DNAH6: variants seen among roughly 807,000 people sequenced by gnomAD.
The protein encoded by DNAH6 is dynein axonemal heavy chain 6.
DNAH6 carries 340 observed loss-of-function variants against 491.4 expected under a neutral mutation model. The observed-to-expected ratio is 0.69, with a 90% CI of 0.63 to 0.76. The LOEUF (loss-of-function observed/expected upper bound fraction) is 0.76, where lower values mean the gene tolerates loss of function less well. Among genes scored for constraint, DNAH6 ranks in the 30% least tolerant of loss-of-function variants. The probability of loss-of-function intolerance (pLI) is 0.00; values close to 1 mark genes in which losing one functional copy is unlikely to be tolerated. For missense variants in DNAH6, 4,443 were observed against 4,972.2 expected (o/e 0.89, Z 3.20); for synonymous variants, 1,603 against 1,686.1 (o/e 0.95, Z 1.21).
At chr2:84,549,842 A>G in intron 8 of DNAH6, 47 bp from the exon 9 acceptor site, 1 of 1,380,946 alleles carries the variant, frequency 7.2e-7, no homozygotes, top group South Asian at 1.4e-5. Flanking sequence ...AAAAATATGT[A>G]GTGAATATAA....
chr2:84,598,127 T>TTTTCTTTTTC (rs1553438007), intron 18 of DNAH6, among the ~76,000 whole-genome samples: 2 of 109,314 alleles, frequency 1.8e-5, no homozygotes, highest in East Asian at 2.5e-4. Context: ...TCTATCTTTC[T>TTTTCTTTTTC]TTTCTTTCTT....
Position 84,525,752 on chromosome 2 carries a change from ATACT to A in DNAH6, c.399+17_399+20del. 1.3e-6 allele frequency: 2 copies of A among 1,514,656 alleles called. No homozygotes were observed. Among genetic ancestry groups the A allele is most frequent in the African/African-American group, 1.4e-5 (1 of 71,126 alleles). 93.8% of individuals were successfully genotyped at this position (1,514,656 alleles called of 1,614,324 possible). On this transcript the variant is annotated intron_variant, in intron 3 of 76. Transcript: ENST00000389394. ...AAAAAAATGCAGGTATAATATTAAA[ATACT>A]TAATTGATTCTTTTAACTTAATTTT...
At chr2:84,739,446 A>G (rs1363187693) in intron 62 of DNAH6, among the ~76,000 whole-genome samples, 1 of 152,160 alleles carries the variant, frequency 6.6e-6, no homozygotes, top group Non-Finnish European at 1.5e-5. Context: ...TATGTTTTCC[A>G]AGTTGCTTAT....
intron 2 of DNAH6, among the ~76,000 whole-genome samples, chr2:84,524,019 A>C (rs1288815276): frequency 3.3e-5 from 5 of 151,702 alleles, no homozygotes; most frequent in African/African-American, 7.3e-5. Flanking sequence ...TTCTGACTTG[A>C]TGATCTGTCT....
At chr2:84,802,181 C>G (rs1156807724) in intron 70 of DNAH6, among the ~76,000 whole-genome samples, 1 of 152,134 alleles carries the variant, frequency 6.6e-6, no homozygotes, top group Non-Finnish European at 1.5e-5. Context: ...GCCAACAACA[C>G]CACAACAAAA....
At chr2:84,483,453 C>T in the DNAH6 span, among the ~76,000 whole-genome samples, 2 of 152,112 alleles carry the variant, frequency 1.3e-5, no homozygotes, top group East Asian at 3.9e-4. Flanking sequence ...GACAGTGTTT[C>T]AAACTACCTA....
intron 58 of DNAH6, among the ~76,000 whole-genome samples, chr2:84,717,329 T>C (rs1697635004): frequency 6.6e-6 from 1 of 152,256 alleles, no homozygotes; most frequent in African/African-American, 2.4e-5. Flanking sequence ...TTTGAGGTTA[T>C]GATTTTTAGT....
chr2:84,813,927 A>T, intron 74 of DNAH6, 44 bp from the exon 75 acceptor site: 2 of 1,545,502 alleles, frequency 1.3e-6, no homozygotes, highest in South Asian at 1.2e-5. Context: ...CCTGGGGAGT[A>T]GCAGTGTTGT....
intron 22 of DNAH6, among the ~76,000 whole-genome samples, chr2:84,612,662 G>C (rs1407260875): frequency 6.6e-6 from 1 of 152,048 alleles, no homozygotes; most frequent in East Asian, 1.9e-4. Context: ...TGTAACCTCA[G>C]GACACCGACC....
the DNAH6 span, among the ~76,000 whole-genome samples, chr2:84,481,643 C>G: frequency 6.6e-6 from 1 of 152,164 alleles, no homozygotes; most frequent in Non-Finnish European, 1.5e-5. Flanking sequence ...CTTTGTTCCC[C>G]ATATGCTGCA....
chr2:84,780,635 C>T (rs915712178), intron 64 of DNAH6, among the ~76,000 whole-genome samples: 4 of 152,182 alleles, frequency 2.6e-5, no homozygotes, highest in African/African-American at 7.2e-5. Flanking sequence ...TCATTTCAGA[C>T]ATTTCAATCT....
chr2:84,692,664 A>G (rs1694986063), intron 45 of DNAH6, among the ~76,000 whole-genome samples: 1 of 152,192 alleles, frequency 6.6e-6, no homozygotes. Context: ...TCTTAACAAC[A>G]ATGTATAGAG....
At chr2:84,523,731 AG>A (rs1676353661) in intron 2 of DNAH6, among the ~76,000 whole-genome samples, 1 of 152,092 alleles carries the variant, frequency 6.6e-6, no homozygotes, top group Non-Finnish European at 1.5e-5. Context: ...TTTCAGGAGC[AG>A]GTTGTTTATT....
intron 64 of DNAH6, among the ~76,000 whole-genome samples, chr2:84,765,116 A>G (rs1194068708): frequency 1.3e-5 from 2 of 152,134 alleles, no homozygotes; most frequent in African/African-American, 4.8e-5. Flanking sequence ...AGAATAAAAT[A>G]TGTAAAATTA....
chr2:84,579,122 T>C (rs768375127), intron 13 of DNAH6, among the ~76,000 whole-genome samples: 1 of 152,180 alleles, frequency 6.6e-6, no homozygotes, highest in African/African-American at 2.4e-5. Context: ...AAAAAAGCCA[T>C]GTTCCTATTT....
chr2:84,782,204 C>G (rs1676760997), intron 65 of DNAH6, among the ~76,000 whole-genome samples: 1 of 152,088 alleles, frequency 6.6e-6, no homozygotes, highest in South Asian at 2.1e-4. Flanking sequence ...GTGTAACGGG[C>G]TGCAAAGAGA....
intron 62 of DNAH6, among the ~76,000 whole-genome samples, chr2:84,743,666 CA>C (rs1436155403): frequency 6.6e-6 from 1 of 151,994 alleles, no homozygotes; most frequent in African/African-American, 2.4e-5. Flanking sequence ...TACTAAAATA[CA>C]AAAAATTAGC....
intron 30 of DNAH6, 133 bp downstream of exon 30, chr2:84,634,774 C>T (rs926328711): frequency 1.1e-5 from 11 of 1,046,232 alleles, no homozygotes; most frequent in Middle Eastern, 2.2e-4. Flanking sequence ...GGGACCTTGG[C>T]TCTCCAGAGC....
chr2:84,550,190 A>G, intron 9 of DNAH6, 133 bp downstream of exon 9: 1 of 710,720 alleles, frequency 1.4e-6, no homozygotes. Context: ...GGCCCCCAAC[A>G]TTTTGGACAC....
Sources: allele counts gnomAD v4.1 joint callset (sites outside exome capture counted in the v4.1 genomes callset), GRCh38; gene constraint gnomAD v4.1.1; transcripts MANE v1.5; gene names NCBI Gene and HGNC (gene_info 2026-07-23, HGNC 2026-07-21).